The following COL5A2 variants were observed in gnomAD, a reference collection of about 807,000 sequenced individuals.
COL5A2 encodes collagen alpha-2(V) chain.
In COL5A2, 23 loss-of-function variants were observed where a neutral mutation model predicts 208.2. The ratio of observed to expected loss-of-function variants is 0.11; its 90% CI spans 0.08 to 0.16. The LOEUF (loss-of-function observed/expected upper bound fraction) is 0.16. Among genes scored for constraint, COL5A2 ranks in the 10% least tolerant of loss-of-function variants. COL5A2 has a pLI of 1.00. For missense variants in COL5A2, 1,590 were observed against 1,956.4 expected, an observed-to-expected ratio of 0.81 and a Z score of 3.53; for synonymous variants, 625 against 628.5, an observed-to-expected ratio of 0.99 and a Z score of 0.08.
intron 1 of COL5A2, among the ~76,000 whole-genome samples, chr2:189,154,372 G>A (rs145721628): frequency 2.0e-5 from 3 of 152,278 alleles, no homozygotes; most frequent in South Asian, 2.1e-4. Context: ...ATAAGGATGC[G>A]CTCATTCGCT....
At chr2:189,373,959 G>C in the COL5A2 span, among the ~76,000 whole-genome samples, 614 of 152,188 alleles carry the variant, frequency 4.0e-3, 7 homozygotes, top group African/African-American at 0.014. Flanking sequence ...TAAAGCAGTG[G>C]GACAATGTGC....
chr2:189,175,877 A>C (rs1688669231), intron 1 of COL5A2, among the ~76,000 whole-genome samples: 1 of 152,112 alleles, frequency 6.6e-6, no homozygotes, highest in African/African-American at 2.4e-5. Flanking sequence ...TGTTTGTTTA[A>C]ACTACTGTGT....
chr2:189,221,469 T>C (rs1360142359), intron 1 of COL5A2, among the ~76,000 whole-genome samples: 5 of 152,104 alleles, frequency 3.3e-5, no homozygotes, highest in Non-Finnish European at 7.4e-5. Flanking sequence ...CACTGATACA[T>C]AGGAACATAA....
chr2:189,184,079 T>A (rs1688816705), upstream of COL5A2, among the ~76,000 whole-genome samples: 1 of 151,866 alleles, frequency 6.6e-6, no homozygotes, highest in Non-Finnish European at 1.5e-5. Context: ...CAACCTTGAG[T>A]GGAAAAACAG....
chr2:189,247,507 A>G, the COL5A2 span, among the ~76,000 whole-genome samples: 2 of 152,048 alleles, frequency 1.3e-5, no homozygotes, highest in African/African-American at 4.8e-5. Context: ...TCTTATTTGC[A>G]GCATGCTCAC....
chr2:189,287,115 G>A, the COL5A2 span, among the ~76,000 whole-genome samples: 2 of 151,824 alleles, frequency 1.3e-5, no homozygotes, highest in Non-Finnish European at 2.9e-5. Flanking sequence ...TAAGAACACA[G>A]AACAAATATT....
chr2:189,067,441 T>C (rs1686178181), intron 21 of COL5A2, among the ~76,000 whole-genome samples: 1 of 152,178 alleles, frequency 6.6e-6, no homozygotes, highest in South Asian at 2.1e-4. Context: ...GAATTGTAAA[T>C]ATTTATTTAA....
At chr2:189,415,313 G>A in the COL5A2 span, among the ~76,000 whole-genome samples, 1 of 151,820 alleles carries the variant, frequency 6.6e-6, no homozygotes, top group African/African-American at 2.4e-5. Context: ...ATATTCTTTA[G>A]ACAATTATTT....
At chr2:189,427,673 G>A in the COL5A2 span, among the ~76,000 whole-genome samples, 1 of 152,196 alleles carries the variant, frequency 6.6e-6, no homozygotes, top group Non-Finnish European at 1.5e-5. Flanking sequence ...CAAGGCTTCG[G>A]GAGCCCACCT....
chr2:189,166,454 A>C (rs13005821), intron 1 of COL5A2, among the ~76,000 whole-genome samples: 90,032 of 151,950 alleles, frequency 0.59, 27,808 homozygotes, highest in East Asian at 0.72. Context: ...CAGCTGGCCA[A>C]GTTAGGTCAC....
chr2:189,389,439 T>C, the COL5A2 span, among the ~76,000 whole-genome samples: 1 of 152,178 alleles, frequency 6.6e-6, no homozygotes, highest in Non-Finnish European at 1.5e-5. Flanking sequence ...AATGAAATCA[T>C]CATAAACAAA....
the COL5A2 span, among the ~76,000 whole-genome samples, chr2:189,411,079 T>C: frequency 2.6e-5 from 4 of 152,162 alleles, no homozygotes; most frequent in Non-Finnish European, 5.9e-5. Context: ...CCCATCATAC[T>C]AGTGCTCATT....
the COL5A2 span, among the ~76,000 whole-genome samples, chr2:189,237,020 TTC>T: frequency 6.6e-6 from 1 of 151,782 alleles, no homozygotes; most frequent in African/African-American, 2.4e-5. Context: ...TTAGAAAGGA[TTC>T]TCTGTCTGTT....
intron 29 of COL5A2, 138 bp downstream of exon 29, chr2:189,062,727 T>A: frequency 2.2e-6 from 2 of 893,456 alleles, no homozygotes; most frequent in Admixed American, 2.0e-5. Flanking sequence ...AGAGAAGGTA[T>A]AACAGAAATT....
the COL5A2 span, among the ~76,000 whole-genome samples, chr2:189,250,453 A>G: frequency 6.6e-6 from 1 of 152,208 alleles, no homozygotes; most frequent in Non-Finnish European, 1.5e-5. Context: ...ACACTTGGCC[A>G]ATTGTCCCAA....
chr2:189,301,790 GT>G, the COL5A2 span, among the ~76,000 whole-genome samples: 1 of 152,062 alleles, frequency 6.6e-6, no homozygotes, highest in Non-Finnish European at 1.5e-5. Context: ...TCATATTGTT[GT>G]ATCTTTCTTT....
the COL5A2 span, among the ~76,000 whole-genome samples, chr2:189,380,036 T>A: frequency 0.025 from 3,710 of 149,994 alleles, 160 homozygotes; most frequent in African/African-American, 0.086. Flanking sequence ...GTGAAATATT[T>A]TATATATATA....
At chr2:189,114,470 T>C (rs1687346991) in intron 1 of COL5A2, among the ~76,000 whole-genome samples, 1 of 152,108 alleles carries the variant, frequency 6.6e-6, no homozygotes, top group Admixed American at 6.6e-5. Context: ...GCAGTAAAGT[T>C]GTCATAATAG....
intron 6 of COL5A2, among the ~76,000 whole-genome samples, chr2:189,093,083 C>A (rs938573003): frequency 6.6e-6 from 1 of 152,140 alleles, no homozygotes; most frequent in East Asian, 1.9e-4. Context: ...GCACTGTGAC[C>A]CAGCCAAGTC....
Sources: allele counts gnomAD v4.1 joint callset (sites outside exome capture counted in the v4.1 genomes callset), GRCh38; gene constraint gnomAD v4.1.1; transcripts MANE v1.5; gene names NCBI Gene and HGNC (gene_info 2026-07-23, HGNC 2026-07-21).